The following PPP1R3E variants were observed in gnomAD, a reference collection of about 807,000 sequenced individuals.
PPP1R3E encodes protein phosphatase 1, regulatory (inhibitor) subunit 3E.
A neutral mutation model predicts 18.5 loss-of-function variants in PPP1R3E; 20 were observed. The observed-to-expected ratio is 1.08, with a 90% CI of 0.76 to 1.58. The LOEUF (loss-of-function observed/expected upper bound fraction) is 1.58. PPP1R3E is among the 40% of genes most tolerant of loss of function. The pLI is 0.00. For synonymous variants in PPP1R3E, 208 were observed against 208.1 expected (o/e 1.00, Z 0.00); for missense variants, 498 against 460.2 (o/e 1.08, Z -0.75).
rs1741370882 is a variant in PPP1R3E, at chr14:23,296,194, C to T, written c.*3110G>A. 1 of 152,198 alleles carries T rather than the reference C, an allele frequency of 6.6e-6. No homozygotes were observed. The allele number at this position is 152,198 out of a possible 1,614,324, so 9.4% of individuals were successfully genotyped here. A position where few individuals can be genotyped will look rare whatever the true frequency, so the allele number is the denominator to read the frequency against. On this transcript the variant is annotated 3_prime_UTR_variant, in exon 5 of 5. Transcript: ENST00000452015. ...TAGCAAGGTCACTGCTCCTTAGCAA[C>T]ATCAACAAAAGTGCCAAAGCTGAGG...
At chr14:23,301,100 A>C in intron 2 of PPP1R3E, 198 bp downstream of exon 2, 53 of 223,786 alleles carry the variant, frequency 2.4e-4, no homozygotes, top group East Asian at 3.4e-4. Context: ...ACTGAAGGGA[A>C]GGCCACCATC....
chr14:23,302,736 C>T lies in PPP1R3E; in HGVS notation c.-160G>A. On this transcript the variant is annotated 5_prime_UTR_variant, in exon 1 of 5. Coordinates refer to ENST00000452015, the MANE Select transcript of PPP1R3E (RefSeq NM_001276318.2). Reference sequence around the variant, plus strand: ...TGCAGACACCTCCAGGATCCTCCACCTCCCGTTGCTTTGCCTCTCCTCTGT... The same window carrying T: ...TGCAGACACCTCCAGGATCCTCCACTTCCCGTTGCTTTGCCTCTCCTCTGT... 2 of 714,842 alleles carry T rather than the reference C, an allele frequency of 2.8e-6. No homozygotes were observed. Among genetic ancestry groups the T allele is most frequent in the South Asian group, 2.3e-5 (1 of 43,028 alleles). 44.3% of individuals were successfully genotyped at this position (714,842 alleles called of 1,614,324 possible).
chr14:23,301,631 C>A lies in PPP1R3E; in HGVS notation c.645G>T (p.Pro215=), dbSNP rs958625014. 20 of 1,384,562 alleles carry A rather than the reference C, an allele frequency of 1.4e-5. 1 individual carries two copies. The highest frequency in any genetic ancestry group is 1.8e-5 in the Non-Finnish European group (19 of 1,070,628). The allele number at this position is 1,384,562 out of a possible 1,614,324, so 85.8% of individuals were successfully genotyped here. A position where few individuals can be genotyped will look rare whatever the true frequency, so the allele number is the denominator to read the frequency against. ...GGAAGGCGAAGCGGTCGGCGCGCGG[C>A]GGGGGCGGGGCCGGACCGGCGTAGG... ...PAAYAGPAPP[P]PRADRFAFRL... Residue 215 remains proline, a synonymous_variant, in exon 2 of 5, where the codon CCG becomes CCT. Coordinates refer to ENST00000452015, the MANE Select transcript of PPP1R3E (RefSeq NM_001276318.2).
rs981227894 is a variant in PPP1R3E, at chr14:23,301,393, G to T, written c.*43C>A. ...GCCACATCGGGTCGCCCCGCCCCCG[G>T]GTGCCTTTGGTGTTTTCCGCCGTCG... On this transcript the variant is annotated 3_prime_UTR_variant, in exon 2 of 5. Transcript: ENST00000452015. 7.6e-7 allele frequency: 1 copy of T among 1,321,296 alleles called. No individual in the cohort carries two copies. The highest frequency in any genetic ancestry group is 9.7e-7 in the Non-Finnish European group (1 of 1,033,438). 81.8% of individuals were successfully genotyped at this position (1,321,296 alleles called of 1,614,324 possible). A position where few individuals can be genotyped will look rare whatever the true frequency, so the allele number is the denominator to read the frequency against.
At chr14:23,299,744 C>G (rs1369604094) in intron 3 of PPP1R3E, 1 of 151,172 alleles carries the variant, frequency 6.6e-6, no homozygotes, top group Non-Finnish European at 1.5e-5. Context: ...AAAGGAAAAA[C>G]AGCAACCAGC....
In PPP1R3E at chr14:23,301,803, A is replaced by T. The variant is rs1430331709; in HGVS notation, c.473T>A (p.Leu158Gln). The T allele has an allele frequency of 4.1e-6, 6 of 1,472,004 alleles. No individual in the cohort carries two copies. Among genetic ancestry groups the T allele is most frequent in the South Asian group, 3.9e-5 (3 of 77,686 alleles). The allele number at this position is 1,472,004 out of a possible 1,614,324, so 91.2% of individuals were successfully genotyped here. Residue 158 changes from leucine to glutamine, a missense_variant, in exon 2 of 5, where the codon CTG becomes CAG. Transcript: ENST00000452015. ...ASEPGFAARLLTQRICLERAE... is the reference protein window; with the variant it reads ...ASEPGFAARLQTQRICLERAE... Reference sequence around the variant, plus strand: ...GCGTTCCAGGCAGATGCGCTGCGTCAGCAAGCGGGCGGCGAAGCCGGGCTC... The same window carrying T: ...GCGTTCCAGGCAGATGCGCTGCGTCTGCAAGCGGGCGGCGAAGCCGGGCTC...
chr14:23,298,409 G>A lies in PPP1R3E; in HGVS notation c.*895C>T, dbSNP rs1436149708. On this transcript the variant is annotated 3_prime_UTR_variant, in exon 5 of 5. Coordinates refer to ENST00000452015, the MANE Select transcript of PPP1R3E (RefSeq NM_001276318.2). ...ATCCTACTTCTGCCATTTACTAGCT[G>A]TGCGATCTTGAACAAATTTCTGAGC... 6.6e-6 allele frequency: 1 copy of A among 152,380 alleles called. No homozygotes were observed. The highest frequency in any genetic ancestry group is 6.5e-5 in the Admixed American group (1 of 15,280). 9.4% of individuals were successfully genotyped at this position (152,380 alleles called of 1,614,324 possible).
chr14:23,299,405 G>A lies in PPP1R3E; in HGVS notation c.*382C>T, dbSNP rs1429067211. On this transcript the variant is annotated 3_prime_UTR_variant, in exon 4 of 5. Coordinates refer to ENST00000452015, the MANE Select transcript of PPP1R3E (RefSeq NM_001276318.2). ...TGGGTGTGGGGAGCTGGTTACCTGG[G>A]AGATCCTTGTTCATTTGTAACATCA... 3.2e-5 allele frequency: 5 copies of A among 154,354 alleles called. No homozygotes were observed. The highest frequency in any genetic ancestry group is 1.2e-4 in the African/African-American group (5 of 41,520). 9.6% of individuals were successfully genotyped at this position (154,354 alleles called of 1,614,324 possible).
Position 23,302,319 on chromosome 14 carries a change from C to A in PPP1R3E, c.258G>T (p.Lys86Asn), listed in dbSNP as rs1322966866. ...APRSRSPDTR[K>N]RVRFADALGL... ...CCAGTGCGTCGGCGAAACGCACTCT[C>A]TTGCGGGTGTCTGGGCTACGGCTGC... Residue 86 changes from lysine to asparagine, a missense_variant, in exon 1 of 5, where the codon AAG becomes AAT. Physicochemically the swap from Lys to Asn is moderately conservative, Grantham distance 94. Transcript: ENST00000452015. 4 of 1,516,298 alleles carry A rather than the reference C, an allele frequency of 2.6e-6. No homozygotes were observed. Among genetic ancestry groups the A allele is most frequent in the East Asian group, 2.6e-5 (1 of 37,938 alleles). The allele number at this position is 1,516,298 out of a possible 1,614,324, so 93.9% of individuals were successfully genotyped here.
chr14:23,301,227 G>A (rs1448216415), intron 2 of PPP1R3E, 71 bp downstream of exon 2: 11 of 458,142 alleles, frequency 2.4e-5, no homozygotes, highest in African/African-American at 1.8e-4. Context: ...CGGATCTCCC[G>A]GAGCTTCTTT....
At chr14:23,302,071 A>G in intron 1 of PPP1R3E, 89 bp downstream of exon 1, 1 of 1,328,384 alleles carries the variant, frequency 7.5e-7, no homozygotes, top group Non-Finnish European at 9.8e-7. Flanking sequence ...TGGGATGGAG[A>G]TGGGTGCTCT....
intron 3 of PPP1R3E, among the ~76,000 whole-genome samples, chr14:23,299,930 T>TTTTG (rs1555325094): frequency 9.3e-6 from 1 of 107,210 alleles, no homozygotes; most frequent in Non-Finnish European, 1.7e-5. Context: ...TGTTTTTGTT[T>TTTTG]TTTTTTTTTT....
Position 23,302,279 on chromosome 14 carries a change from C to T in PPP1R3E, c.298G>A (p.Val100Ile), listed in dbSNP as rs1314604371. 1 of 1,522,084 alleles carries T rather than the reference C, an allele frequency of 6.6e-7. No individual in the cohort carries two copies. The highest frequency in any genetic ancestry group is 1.4e-5 in the African/African-American group (1 of 70,526). 94.3% of individuals were successfully genotyped at this position (1,522,084 alleles called of 1,614,324 possible). The change falls in exon 1 of 5, where the codon GTC (valine) becomes ATC (isoleucine). Residue 100 changes from valine (V) to isoleucine (I), a missense_variant. Physicochemically the swap from Val to Ile is conservative, Grantham distance 29 (BLOSUM62 3). Coordinates refer to ENST00000452015, the MANE Select transcript of PPP1R3E (RefSeq NM_001276318.2). ...FADALGLELA[V>I]VRRFRPGELP... is the part of the protein sequence containing the mutation. ...TCACCGGGACGGAAGCGGCGCACGA[C>T]AGCCAGCTCCAACCCCAGTGCGTCG...
At chr14:23,300,419 C>T (rs1886998346) in intron 3 of PPP1R3E, 1 of 152,214 alleles carries the variant, frequency 6.6e-6, no homozygotes, top group South Asian at 2.1e-4. Context: ...CTTAAAAGGT[C>T]ATCTAACCTA....
At chr14:23,301,891 C>T in intron 1 of PPP1R3E, 33 bp from the exon 2 acceptor site, 1 of 1,413,116 alleles carries the variant, frequency 7.1e-7, no homozygotes, top group Non-Finnish European at 9.1e-7. Flanking sequence ...GGAGGGAGCC[C>T]AGGGCGGAGA....
chr14:23,301,544 A>G lies in PPP1R3E; in HGVS notation c.732T>C (p.Gly244=). The change falls in exon 2 of 5, where the codon GGT becomes GGC. Residue 244 remains glycine (G), a synonymous_variant. Transcript: ENST00000452015. The stretch of plus-strand genomic sequence containing the variant: ...CGCCGTTGTTGTCCCAGAACTCGTG[A>G]CCTGTCACACGGTAGCGCAAGGCGA... The part of the protein sequence containing the change: ...LLFALRYRVT[G]HEFWDNNGGR... 6.7e-7 allele frequency: 1 copy of G among 1,497,454 alleles called. No homozygotes were observed. The highest frequency in any genetic ancestry group is 8.9e-7 in the Non-Finnish European group (1 of 1,129,312). The allele number at this position is 1,497,454 out of a possible 1,614,324, so 92.8% of individuals were successfully genotyped here.
Position 23,302,009 on chromosome 14 carries a change from G to T in PPP1R3E, c.417+151C>A, listed in dbSNP as rs1189814483. The T allele has an allele frequency of 3.2e-6, 4 of 1,242,242 alleles. No individual in the cohort carries two copies. In the African/African-American group the frequency reaches 4.8e-5, roughly 15 times the overall value. 77.0% of individuals were successfully genotyped at this position (1,242,242 alleles called of 1,614,324 possible). A position where few individuals can be genotyped will look rare whatever the true frequency, so the allele number is the denominator to read the frequency against. Reference sequence around the variant, plus strand: ...GGCCCAGCTGCCAGGGTGGCCTAGAGCCACTCGCAGATGGGGTCCCCAAAA... The same window carrying T: ...GGCCCAGCTGCCAGGGTGGCCTAGATCCACTCGCAGATGGGGTCCCCAAAA... On this transcript the variant is annotated intron_variant, in intron 1 of 4. Transcript: ENST00000452015.
At chr14:23,299,110 C>T (rs1886953775) in intron 4 of PPP1R3E, among the ~76,000 whole-genome samples, 193 bp from the exon 5 acceptor site, 1 of 152,174 alleles carries the variant, frequency 6.6e-6, no homozygotes, top group African/African-American at 2.4e-5. Flanking sequence ...GGACTACAGG[C>T]ATGAATCACC....
Position 23,302,417 on chromosome 14 carries a change from G to A in PPP1R3E, c.160C>T (p.Arg54Cys). 2.0e-6 allele frequency: 3 copies of A among 1,493,692 alleles called. No homozygotes were observed. The highest frequency in any genetic ancestry group is 2.7e-6 in the Non-Finnish European group (3 of 1,131,858). The allele number at this position is 1,493,692 out of a possible 1,614,324, so 92.5% of individuals were successfully genotyped here. Reference protein sequence around the residue: ...EGGTRFGARSRAHAPSRGRRA... With the variant: ...EGGTRFGARSCAHAPSRGRRA... Reference sequence around the variant, plus strand: ...CGGCCCCGACTCGGTGCGTGAGCGCGGGATCGGGCCCCGAACCGCGTCCCG... The same window carrying A: ...CGGCCCCGACTCGGTGCGTGAGCGCAGGATCGGGCCCCGAACCGCGTCCCG... The change falls in exon 1 of 5, where the codon CGC becomes TGC. Residue 54 changes from arginine (R) to cysteine (C), a missense_variant. By Grantham distance (180) the Arg-to-Cys change is radical. Transcript: ENST00000452015.
Sources: gnomAD v4.1 joint callset for allele counts (sites outside exome capture counted in the v4.1 genomes callset) on GRCh38, gnomAD v4.1.1 for gene constraint, MANE v1.5 for transcripts, NCBI Gene and HGNC (gene_info 2026-07-23, HGNC 2026-07-21) for gene names.